The following ANO4 variants were observed in gnomAD, a reference collection of about 807,000 sequenced individuals.
The protein encoded by ANO4 is anoctamin 4, also known as anoctamin-4.
In ANO4, 69 loss-of-function variants were observed where a neutral mutation model predicts 141.9. The observed-to-expected ratio is 0.49, with a 90% CI of 0.40 to 0.59. The LOEUF is 0.59. ANO4 is among the 20% of genes least tolerant of loss of function. The pLI is 0.00. For synonymous variants in ANO4, 350 were observed against 394.3 expected, an observed-to-expected ratio of 0.89 and a Z score of 1.33; for missense variants, 894 against 1,162.2, an observed-to-expected ratio of 0.77 and a Z score of 3.36.
At chr12:100,850,636 CTTTTA>C (rs2037813664) in intron 1 of ANO4, among the ~76,000 whole-genome samples, 1 of 151,976 alleles carries the variant, frequency 6.6e-6, no homozygotes, top group Non-Finnish European at 1.5e-5. Flanking sequence ...TTTAAATGTG[CTTTTA>C]TTTTAAGTAA....
intron 8 of ANO4, among the ~76,000 whole-genome samples, chr12:101,001,291 G>A (rs1275369010): frequency 1.3e-5 from 2 of 152,310 alleles, no homozygotes; most frequent in Middle Eastern, 3.4e-3. Context: ...TGTGCATTAA[G>A]TCTTAGGAAA....
intron 26 of ANO4, among the ~76,000 whole-genome samples, chr12:101,122,665 G>C (rs146280060): frequency 1.3e-5 from 2 of 152,208 alleles, no homozygotes; most frequent in Non-Finnish European, 2.9e-5. Flanking sequence ...GCTTGTTTTT[G>C]TCAAGTTGGA....
chr12:100,959,573 A>G (rs1459066459), intron 5 of ANO4, among the ~76,000 whole-genome samples: 4 of 152,134 alleles, frequency 2.6e-5, no homozygotes, highest in Non-Finnish European at 4.4e-5. Context: ...AACCCCTTTT[A>G]TAAAGGTGGC....
chr12:101,079,578 C>A (rs1425922135), intron 15 of ANO4, among the ~76,000 whole-genome samples: 1 of 151,504 alleles, frequency 6.6e-6, no homozygotes, highest in Non-Finnish European at 1.5e-5. Context: ...ATCCTTTTTT[C>A]TCTAACTTCA....
chr12:100,879,268 T>C (rs1205569153), intron 1 of ANO4, among the ~76,000 whole-genome samples: 4 of 152,202 alleles, frequency 2.6e-5, no homozygotes, highest in Non-Finnish European at 5.9e-5. Context: ...TTAGCTTTTT[T>C]ATTTTATATA....
intron 1 of ANO4, among the ~76,000 whole-genome samples, chr12:100,811,975 A>G (rs1328490153): frequency 6.6e-6 from 1 of 152,134 alleles, no homozygotes; most frequent in African/African-American, 2.4e-5. Context: ...CTAATGATAT[A>G]CCACATGTGT....
At chr12:101,119,911 C>A (rs2673686) in intron 25 of ANO4, among the ~76,000 whole-genome samples, 150,739 of 152,304 alleles carry the variant, frequency 0.99, 74,609 homozygotes, top group Middle Eastern at 1. Context: ...ACATTTGTGG[C>A]ATTTTATGCC....
intron 14 of ANO4, among the ~76,000 whole-genome samples, chr12:101,075,290 C>T (rs1471618575): frequency 3.3e-5 from 5 of 152,100 alleles, no homozygotes; most frequent in South Asian, 2.1e-4. Flanking sequence ...CAGGGCAGAG[C>T]GAGTTGGGCT....
intron 1 of ANO4, among the ~76,000 whole-genome samples, chr12:100,898,034 A>G (rs192620417): frequency 6.6e-6 from 1 of 152,362 alleles, no homozygotes; most frequent in African/African-American, 2.4e-5. Context: ...AGGTTAAAAT[A>G]TCAGTTAATC....
At chr12:101,109,613 G>GAA (rs2050585599) in intron 22 of ANO4, among the ~76,000 whole-genome samples, 1 of 152,022 alleles carries the variant, frequency 6.6e-6, no homozygotes, top group Non-Finnish European at 1.5e-5. Flanking sequence ...AGGTTCCTCT[G>GAA]CTAAAAAGTT....
chr12:100,901,963 G>T (rs1347711977), intron 2 of ANO4, 123 bp downstream of exon 2: 2 of 943,278 alleles, frequency 2.1e-6, no homozygotes, highest in East Asian at 5.1e-5. Flanking sequence ...TAGGAGTCTT[G>T]TTCTATTTCC....
At chr12:101,045,016 A>G (rs2047564983) in intron 13 of ANO4, among the ~76,000 whole-genome samples, 1 of 151,958 alleles carries the variant, frequency 6.6e-6, no homozygotes, top group African/African-American at 2.4e-5. Flanking sequence ...TTTAATGTGG[A>G]AAGATATGCT....
intron 7 of ANO4, among the ~76,000 whole-genome samples, 159 bp from the exon 8 acceptor site, chr12:100,987,380 C>T (rs2044753905): frequency 6.6e-6 from 1 of 152,138 alleles, no homozygotes; most frequent in East Asian, 1.9e-4. Flanking sequence ...AGAGTTCTGG[C>T]TGTCTTCTTT....
chr12:100,787,087 T>G (rs2033897169), intron 3 of ANO4, among the ~76,000 whole-genome samples: 1 of 152,150 alleles, frequency 6.6e-6, no homozygotes, highest in Non-Finnish European at 1.5e-5. Context: ...CAGAGAGAGT[T>G]TATCTCTTGG....
intron 22 of ANO4, among the ~76,000 whole-genome samples, chr12:101,105,228 T>G (rs2050393974): frequency 6.6e-6 from 1 of 152,180 alleles, no homozygotes; most frequent in Admixed American, 6.5e-5. Flanking sequence ...TAGCCCAGCT[T>G]AATCTGTGAC....
At chr12:100,892,124 C>T (rs959347672) in intron 1 of ANO4, among the ~76,000 whole-genome samples, 6 of 152,012 alleles carry the variant, frequency 3.9e-5, no homozygotes, top group Non-Finnish European at 8.8e-5. Context: ...TGAATATATC[C>T]ACCACACATT....
intron 1 of ANO4, among the ~76,000 whole-genome samples, chr12:100,891,192 T>A (rs1442395246): frequency 6.6e-6 from 1 of 152,264 alleles, no homozygotes; most frequent in African/African-American, 2.4e-5. Flanking sequence ...ATTGTCTGAA[T>A]GTATCACAGT....
chr12:100,896,888 G>A (rs2040378518), intron 1 of ANO4, among the ~76,000 whole-genome samples: 1 of 152,150 alleles, frequency 6.6e-6, no homozygotes, highest in African/African-American at 2.4e-5. Flanking sequence ...CCATTATGCT[G>A]GACATTGCCA....
chr12:100,789,574 G>A (rs1227584147), intron 3 of ANO4, among the ~76,000 whole-genome samples: 2 of 152,136 alleles, frequency 1.3e-5, no homozygotes, highest in East Asian at 1.9e-4. Flanking sequence ...AAAGATAAGC[G>A]GGACAAGTTT....
Sources: gnomAD v4.1 joint callset for allele counts (sites outside exome capture counted in the v4.1 genomes callset) on GRCh38, gnomAD v4.1.1 for gene constraint, MANE v1.5 for transcripts, NCBI Gene and HGNC (gene_info 2026-07-23, HGNC 2026-07-21) for gene names.